VIPR1: variants seen among roughly 807,000 people sequenced by gnomAD.
VIPR1 encodes the protein vasoactive intestinal polypeptide receptor 1.
A neutral mutation model predicts 58.8 loss-of-function variants in VIPR1; 59 were observed. The observed-to-expected ratio is 1.00, with a 90% CI of 0.81 to 1.25. The LOEUF is 1.25. VIPR1 is among the 50% of genes most tolerant of loss of function. VIPR1 has a pLI of 0.00. For synonymous variants in VIPR1, 251 were observed against 242.1 expected, an observed-to-expected ratio of 1.04 and a Z score of -0.34; for missense variants, 626 against 602.7, an observed-to-expected ratio of 1.04 and a Z score of -0.40.
At chr3:42,511,995 G>A (rs1577213273) in intron 1 of VIPR1, 1 of 152,188 alleles carries the variant, frequency 6.6e-6, no homozygotes, top group Non-Finnish European at 1.5e-5. Flanking sequence ...ACAGTTATAC[G>A]AGTAACTGTA....
rs200263860 is a variant in VIPR1 at position 42,527,425 on chromosome 3, C to T, written c.432C>T (p.Thr144=). 1.1e-5 allele frequency: 17 copies of T among 1,613,842 alleles called. No homozygotes were observed. The highest frequency in any genetic ancestry group is 1.0e-4 in the Admixed American group (6 of 59,992). The change falls in exon 5 of 13, where the codon ACC becomes ACT. Residue 144 remains threonine, a synonymous_variant. Coordinates refer to ENST00000325123, the MANE Select transcript of VIPR1 (RefSeq NM_004624.4). ...CCATGTTCTACGGTTCTGTGAAGAC[C>T]GGCTACACCATTGGCTACGGCCTGT... ...QQTMFYGSVK[T]GYTIGYGLSL...
In VIPR1 at chr3:42,502,664, T is replaced by C; in HGVS notation, c.-72T>C. 2.6e-6 allele frequency: 3 copies of C among 1,170,342 alleles called. No homozygotes were observed. The highest frequency in any genetic ancestry group is 3.2e-6 in the Non-Finnish European group (3 of 928,342). 72.5% of individuals were successfully genotyped at this position (1,170,342 alleles called of 1,614,324 possible). The stretch of plus-strand genomic sequence containing the variant: ...CGCCACTCTGCCAGGCTCCCGGCCA[T>C]CGCCCGCCTGGTGCGCCGCCCGCCA... On this transcript the variant is annotated 5_prime_UTR_variant, in exon 1 of 13. Transcript: ENST00000325123.
rs753148130 is a variant in VIPR1, at chr3:42,527,426, G to T, written c.433G>T (p.Gly145Cys). ...CATGTTCTACGGTTCTGTGAAGACCGGCTACACCATTGGCTACGGCCTGTC... is the reference window on the plus strand; with the variant it reads ...CATGTTCTACGGTTCTGTGAAGACCTGCTACACCATTGGCTACGGCCTGTC... ...QTMFYGSVKTGYTIGYGLSLA... is the reference protein window; with the variant it reads ...QTMFYGSVKTCYTIGYGLSLA... Residue 145 changes from glycine (G) to cysteine (C), a missense_variant, in exon 5 of 13, where the codon GGC becomes TGC. Coordinates refer to ENST00000325123, the MANE Select transcript of VIPR1 (RefSeq NM_004624.4). The T allele has an allele frequency of 6.2e-7, 1 of 1,613,440 alleles. No homozygotes were observed. Among genetic ancestry groups the T allele is most frequent in the Non-Finnish European group, 8.5e-7 (1 of 1,179,858 alleles).
At chr3:42,526,113 G>C (rs1305116897) in intron 4 of VIPR1, 120 bp downstream of exon 4, 2 of 966,922 alleles carry the variant, frequency 2.1e-6, no homozygotes, top group Non-Finnish European at 3.1e-6. Context: ...CCTGGAGTCT[G>C]CCCTCCTCTA....
At chr3:42,515,767 T>C (rs771926186) in intron 2 of VIPR1, among the ~76,000 whole-genome samples, 1 of 152,226 alleles carries the variant, frequency 6.6e-6, no homozygotes, top group Non-Finnish European at 1.5e-5. Context: ...TAGCTCTGTG[T>C]CTGACTCTGA....
At chr3:42,523,602 A>G (rs1018781455) in intron 3 of VIPR1, among the ~76,000 whole-genome samples, 1 of 92,688 alleles carries the variant, frequency 1.1e-5, no homozygotes, top group East Asian at 3.5e-4. Context: ...CACCTCCGCC[A>G]CTACACACAC....
chr3:42,520,024 A>C (rs1170704890), intron 3 of VIPR1, among the ~76,000 whole-genome samples: 1 of 152,170 alleles, frequency 6.6e-6, no homozygotes. Flanking sequence ...GAGAATAAGG[A>C]GAGTGGGGAC....
At chr3:42,526,890 C>T (rs1701261941) in intron 4 of VIPR1, among the ~76,000 whole-genome samples, 1 of 152,164 alleles carries the variant, frequency 6.6e-6, no homozygotes, top group African/African-American at 2.4e-5. Context: ...TCCCACCGAC[C>T]CCAACTCCCA....
chr3:42,514,125 C>G (rs1419905955), intron 2 of VIPR1, among the ~76,000 whole-genome samples: 1 of 152,062 alleles, frequency 6.6e-6, no homozygotes, highest in Non-Finnish European at 1.5e-5. Context: ...GGGTCCCTAT[C>G]CCTCTTCTCC....
chr3:42,520,285 G>A (rs1382872960), intron 3 of VIPR1, among the ~76,000 whole-genome samples: 1 of 152,182 alleles, frequency 6.6e-6, no homozygotes, highest in Admixed American at 6.5e-5. Context: ...GACCATGCAG[G>A]GCCTTGAGGA....
intron 1 of VIPR1, among the ~76,000 whole-genome samples, chr3:42,512,489 C>G (rs888948133): frequency 6.6e-6 from 1 of 152,162 alleles, no homozygotes; most frequent in African/African-American, 2.4e-5. Context: ...CACTTTGGTG[C>G]CTGCAGGCCA....
chr3:42,524,168 A>G (rs1355466256), intron 3 of VIPR1, among the ~76,000 whole-genome samples: 1 of 152,124 alleles, frequency 6.6e-6, no homozygotes. Context: ...CCTCAAATGA[A>G]TCAGATTGTG....
intron 4 of VIPR1, 29 bp from the exon 5 acceptor site, chr3:42,527,364 C>G: frequency 6.2e-7 from 1 of 1,608,106 alleles, no homozygotes. Flanking sequence ...ACCCCACCAC[C>G]CAAGAGCCTC....
In VIPR1 at chr3:42,534,916, C is replaced by A. The variant is rs889377566; in HGVS notation, c.1011-59C>A. On this transcript the variant is annotated intron_variant, in intron 10 of 12. Transcript: ENST00000325123. ...CCTCCAGCTGCCCCCATGCCACACCCTATCATATCCACATGTGTGGACACA... is the reference window on the plus strand; with the variant it reads ...CCTCCAGCTGCCCCCATGCCACACCATATCATATCCACATGTGTGGACACA... 5.0e-6 allele frequency: 8 copies of A among 1,593,368 alleles called. No individual in the cohort carries two copies. In the African/African-American group the frequency reaches 1.1e-4, roughly 21 times the overall value.
upstream of VIPR1, among the ~76,000 whole-genome samples, chr3:42,501,331 CGCCTGCTGTTCAGCCAAA>C (rs771413075): frequency 5.6e-3 from 857 of 152,230 alleles, 3 homozygotes; most frequent in Non-Finnish European, 9.7e-3. The surrounding 1 kb of genome is among the most constrained non-coding windows in gnomAD (Gnocchi z 4.8). Context: ...AGCTCCTGCG[CGCCTGCTGTTCAGCCAAA>C]GCCTAGCGCG....
chr3:42,525,770 G>C, intron 3 of VIPR1, 117 bp from the exon 4 acceptor site: 1 of 1,110,338 alleles, frequency 9.0e-7, no homozygotes, highest in Non-Finnish European at 1.3e-6. Flanking sequence ...GCTGGAACCT[G>C]ACAGCACCAG....
chr3:42,536,854 A>G lies in VIPR1; in HGVS notation c.*573A>G, dbSNP rs898333281. 6.6e-6 allele frequency: 1 copy of G among 152,260 alleles called. No homozygotes were observed. Among genetic ancestry groups the G allele is most frequent in the African/African-American group, 2.4e-5 (1 of 41,452 alleles). 9.4% of individuals were successfully genotyped at this position (152,260 alleles called of 1,614,324 possible). A position where few individuals can be genotyped will look rare whatever the true frequency, so the allele number is the denominator to read the frequency against. ...AGTTATCAGCTTTTTAAAGTGGGTT[A>G]TTCTGGAGTTTTTGTTTGGAGAGCA... On this transcript the variant is annotated 3_prime_UTR_variant, in exon 13 of 13. Transcript: ENST00000325123.
At chr3:42,522,099 A>ATT (rs1700962748) in intron 3 of VIPR1, among the ~76,000 whole-genome samples, 1 of 55,584 alleles carries the variant, frequency 1.8e-5, no homozygotes, top group Non-Finnish European at 2.9e-5. Flanking sequence ...ATATATATAT[A>ATT]TATTTTTTTT....
intron 10 of VIPR1, 25 bp from the exon 11 acceptor site, chr3:42,534,950 T>C: frequency 6.2e-7 from 1 of 1,613,622 alleles, no homozygotes; most frequent in Non-Finnish European, 8.5e-7. Context: ...CACATACCCA[T>C]GGCCTGTCCC....
Sources: gnomAD v4.1 joint callset for allele counts (sites outside exome capture counted in the v4.1 genomes callset) on GRCh38, gnomAD v4.1.1 for gene constraint, Gnocchi (gnomAD v3.1) non-coding constraint, MANE v1.5 for transcripts, NCBI Gene and HGNC (gene_info 2026-07-23, HGNC 2026-07-21) for gene names.